Variants in WRAP73 observed in about 807,000 individuals in gnomAD.
WRAP73 encodes WD repeat containing, antisense to TP73, also known as WD repeat-containing protein WRAP73.
In WRAP73, 55 loss-of-function variants were observed where a neutral mutation model predicts 59.6. The observed-to-expected ratio is 0.92, with a 90% CI of 0.74 to 1.15. WRAP73 has a LOEUF of 1.15. WRAP73 is among the 50% of genes most tolerant of loss of function. WRAP73 has a pLI of 0.00. For missense variants in WRAP73, 592 were observed against 608.1 expected (o/e 0.97, Z 0.28); for synonymous variants, 265 against 258.2 (o/e 1.03, Z -0.25).
At position 3,636,019 on chromosome 1, in the gene WRAP73, C is replaced by G; in HGVS notation, c.528G>C (p.Thr176=). Residue 176 remains threonine (T), a synonymous_variant, in exon 6 of 12, where the codon ACG becomes ACC. Transcript: ENST00000270708. ...CAATCCCTGTGAGATCCTGGGTGTC[C>G]GTATCAAAATGCTTCCAAAGGAAGG... ...SDWQLLRHFD[T]DTQDLTGIEW... The G allele has an allele frequency of 6.2e-7, 1 of 1,613,634 alleles. No homozygotes were observed. The highest frequency in any genetic ancestry group is 8.5e-7 in the Non-Finnish European group (1 of 1,179,858).
At chr1:3,648,925 G>A (rs1644714791) in intron 1 of WRAP73, among the ~76,000 whole-genome samples, 1 of 152,196 alleles carries the variant, frequency 6.6e-6, no homozygotes, top group Non-Finnish European at 1.5e-5. Flanking sequence ...CCTCCCTGAA[G>A]AGGTAAAAAA....
In WRAP73 at chr1:3,630,797, A is replaced by T; in HGVS notation, c.*178T>A. On this transcript the variant is annotated 3_prime_UTR_variant, in exon 12 of 12. Transcript: ENST00000270708. ...GTATAAATCAGCAAGTATTTATTTT[A>T]AATAATAAAACTACAGTTTTATACC... 1.3e-6 allele frequency: 1 copy of T among 761,996 alleles called. No individual in the cohort carries two copies. The highest frequency in any genetic ancestry group is 2.0e-6 in the Non-Finnish European group (1 of 499,864). The allele number at this position is 761,996 out of a possible 1,614,324, so 47.2% of individuals were successfully genotyped here.
chr1:3,641,643 C>T (rs1644647572), intron 3 of WRAP73, among the ~76,000 whole-genome samples: 2 of 152,246 alleles, frequency 1.3e-5, no homozygotes, highest in Admixed American at 6.5e-5. Flanking sequence ...CACGGGCGAA[C>T]AGTCTTGGTC....
intron 8 of WRAP73, 46 bp from the exon 9 acceptor site, chr1:3,633,549 G>A (rs1383049477): frequency 2.0e-6 from 3 of 1,466,800 alleles, no homozygotes; most frequent in Non-Finnish European, 2.8e-6. Flanking sequence ...CAGGGACCCG[G>A]AAGCCAAGGA....
intron 11 of WRAP73, 65 bp from the exon 12 acceptor site, chr1:3,631,182 C>T (rs1644528964): frequency 1.2e-6 from 2 of 1,602,812 alleles, no homozygotes; most frequent in South Asian, 1.1e-5. Flanking sequence ...GGATGGGCAC[C>T]CCCTTGTCCT....
chr1:3,636,558 T>C, intron 5 of WRAP73: 3 of 337,868 alleles, frequency 8.9e-6, no homozygotes, highest in South Asian at 7.0e-5. Flanking sequence ...ATTCCAGAGG[T>C]TGCTCTACCT....
rs1391781579 is a variant in WRAP73, at chr1:3,647,052, C to T, written c.223-270G>A. ...GCCACGCTTCTTGGTGATTTCATTT[C>T]GTTGTTGTTTTAAAACTGTTTATTC... is the stretch of plus-strand genomic sequence containing the variant. On this transcript the variant is annotated intron_variant, in intron 2 of 11. Coordinates refer to ENST00000270708, the MANE Select transcript of WRAP73 (RefSeq NM_017818.4). 3.3e-5 allele frequency among the ~76,000 whole-genome samples: 5 copies of T among 152,186 alleles called. No individual in the cohort carries two copies. The South Asian group carries it at 6.2e-4, about 19-fold the overall frequency.
chr1:3,646,133 G>A lies in WRAP73; in HGVS notation c.339+533C>T, dbSNP rs905897075. Reference sequence around the variant, plus strand: ...AACCCCGCCAATCTACCAGCCACTCGGGAGCCACCTCAGTCATCAGACCCA... The same window carrying A: ...AACCCCGCCAATCTACCAGCCACTCAGGAGCCACCTCAGTCATCAGACCCA... On this transcript the variant is annotated intron_variant, in intron 3 of 11. Coordinates refer to ENST00000270708, the MANE Select transcript of WRAP73 (RefSeq NM_017818.4). This position sits in a 1 kb window ranked among gnomAD's most constrained non-coding sequence, Gnocchi z 5.1. Among the ~76,000 whole-genome samples, 107 of 152,218 alleles carry A rather than the reference G, an allele frequency of 7.0e-4. 1 individual carries two copies. Among genetic ancestry groups the A allele is most frequent in the African/African-American group, 2.4e-3 (99 of 41,532 alleles).
intron 1 of WRAP73, among the ~76,000 whole-genome samples, chr1:3,648,144 C>T (rs377111888): frequency 6.6e-6 from 1 of 152,236 alleles, no homozygotes; most frequent in Non-Finnish European, 1.5e-5. Flanking sequence ...TTAACCTATT[C>T]CTAACACGAA....
intron 3 of WRAP73, among the ~76,000 whole-genome samples, chr1:3,643,106 CA>C (rs1341893989): frequency 3.9e-5 from 6 of 152,354 alleles, no homozygotes; most frequent in Non-Finnish European, 8.8e-5. Context: ...ACACGTCCAG[CA>C]GGCGAGGACT....
Position 3,650,071 on chromosome 1 carries a change from A to C in WRAP73, c.-72T>G. 2 of 1,451,138 alleles carry C rather than the reference A, an allele frequency of 1.4e-6. No homozygotes were observed. The highest frequency in any genetic ancestry group is 1.8e-6 in the Non-Finnish European group (2 of 1,086,816). The allele number at this position is 1,451,138 out of a possible 1,614,324, so 89.9% of individuals were successfully genotyped here. A position where few individuals can be genotyped will look rare whatever the true frequency, so the allele number is the denominator to read the frequency against. On this transcript the variant is annotated 5_prime_UTR_variant, in exon 1 of 12. Coordinates refer to ENST00000270708, the MANE Select transcript of WRAP73 (RefSeq NM_017818.4). ...GACCCCTGGGCGCGCAGCAGGCTGC[A>C]ACAGCCGACGCCGGCCTCCGAGGCC...
chr1:3,633,216 C>T lies in WRAP73; in HGVS notation c.922+182G>A, dbSNP rs1296204337. The T allele has an allele frequency of 6.3e-6, 4 of 639,244 alleles. No homozygotes were observed. In the East Asian group the frequency reaches 1.1e-4, roughly 17 times the overall value. The allele number at this position is 639,244 out of a possible 1,614,324, so 39.6% of individuals were successfully genotyped here. Reference sequence around the variant, plus strand: ...GTAACAGAAGCCGCACCTTCACGGCCCACTGCGCAATTCAGACCCTAGTCA... The same window carrying T: ...GTAACAGAAGCCGCACCTTCACGGCTCACTGCGCAATTCAGACCCTAGTCA... On this transcript the variant is annotated intron_variant, in intron 9 of 11. Transcript: ENST00000270708.
intron 9 of WRAP73, 87 bp from the exon 10 acceptor site, chr1:3,632,425 A>G: frequency 1.2e-6 from 2 of 1,602,034 alleles, no homozygotes; most frequent in Non-Finnish European, 1.7e-6. Context: ...TGCATCGGGC[A>G]TCGCGAACCC....
In WRAP73 at chr1:3,638,831, G is replaced by A; in HGVS notation, c.340-9C>T. 1.2e-6 allele frequency: 2 copies of A among 1,613,790 alleles called. No homozygotes were observed. Among genetic ancestry groups the A allele is most frequent in the Non-Finnish European group, 1.7e-6 (2 of 1,179,766 alleles). On this transcript the variant is annotated splice_polypyrimidine_tract_variant and intron_variant, in intron 3 of 11. Transcript: ENST00000270708. The stretch of plus-strand genomic sequence containing the variant: ...CAGACGGTTATCCGCAGCTGTTGGG[G>A]GAAAGGGGAAAGAGAAAGGAAACAC...
intron 3 of WRAP73, among the ~76,000 whole-genome samples, chr1:3,640,045 T>C (rs1249935909): frequency 3.9e-5 from 6 of 152,206 alleles, no homozygotes; most frequent in African/African-American, 1.4e-4. Flanking sequence ...GAAAAGAAAA[T>C]CTGATGTCTG....
At chr1:3,635,108 GC>G (rs770579606) in intron 7 of WRAP73, 34 bp from the exon 8 acceptor site, 1 of 1,614,172 alleles carries the variant, frequency 6.2e-7, no homozygotes, top group South Asian at 1.1e-5. Context: ...GTGAGGCAGG[GC>G]CCGGCCCGCT....
chr1:3,632,468 C>T (rs1008100884), intron 9 of WRAP73, 130 bp from the exon 10 acceptor site: 2 of 1,469,570 alleles, frequency 1.4e-6, no homozygotes, highest in African/African-American at 2.8e-5. Context: ...GAAAGTGCGG[C>T]CCAAGGGCAG....
chr1:3,649,850 ACG>A, intron 1 of WRAP73, 79 bp downstream of exon 1: 1 of 1,477,552 alleles, frequency 6.8e-7, no homozygotes, highest in Non-Finnish European at 9.1e-7. Flanking sequence ...GCCTCCACCC[ACG>A]CGGCCGCCCC....
Position 3,639,012 on chromosome 1 carries a change from T to G in WRAP73, c.340-190A>C. The G allele has an allele frequency of 5.3e-6, 3 of 571,246 alleles. No individual in the cohort carries two copies. The South Asian group carries it at 7.6e-5, about 15-fold the overall frequency. The allele number at this position is 571,246 out of a possible 1,614,324, so 35.4% of individuals were successfully genotyped here. ...GTATTTTACTGTGGTTACGGTAAATTTGGTGTTCTTGGTTTTCTGTTGTTG... is the reference window on the plus strand; with the variant it reads ...GTATTTTACTGTGGTTACGGTAAATGTGGTGTTCTTGGTTTTCTGTTGTTG... On this transcript the variant is annotated intron_variant, in intron 3 of 11. Coordinates refer to ENST00000270708, the MANE Select transcript of WRAP73 (RefSeq NM_017818.4). The surrounding 1 kb of genome is among the most constrained non-coding windows in gnomAD (Gnocchi z 4.3).
Sources: allele counts gnomAD v4.1 joint callset (sites outside exome capture counted in the v4.1 genomes callset), GRCh38; gene constraint gnomAD v4.1.1; non-coding constraint Gnocchi (gnomAD v3.1); transcripts MANE v1.5; gene names NCBI Gene and HGNC (gene_info 2026-07-23, HGNC 2026-07-21).